CIT: variants seen among roughly 807,000 people sequenced by gnomAD.
The protein encoded by CIT is citron rho-interacting serine/threonine kinase, also known as citron Rho-interacting kinase.
CIT carries 79 observed loss-of-function variants against 272.7 expected under a neutral mutation model. The observed-to-expected ratio is 0.29, with a 90% CI of 0.24 to 0.35. The LOEUF (loss-of-function observed/expected upper bound fraction) is 0.35, where lower values mean the gene tolerates loss of function less well. Ranked by LOEUF, CIT falls within the 10% of genes least tolerant of loss-of-function variation. The probability of loss-of-function intolerance (pLI) is 1.00; values close to 1 mark genes in which losing one functional copy is unlikely to be tolerated. For missense variants in CIT, 1,909 were observed against 2,618.3 expected, an observed-to-expected ratio of 0.73 and a Z score of 5.91; for synonymous variants, 948 against 995.6, an observed-to-expected ratio of 0.95 and a Z score of 0.90.
chr12:119,788,694 C>T (rs1394064224), intron 10 of CIT, among the ~76,000 whole-genome samples: 1 of 152,054 alleles, frequency 6.6e-6, no homozygotes, highest in Admixed American at 6.6e-5. Flanking sequence ...ACTTTTAGGT[C>T]ACTTATCAAT....
Position 119,864,170 on chromosome 12 carries a change from T to C in CIT, c.238+4890A>G, listed in dbSNP as rs540244917. 2.2e-4 allele frequency among the ~76,000 whole-genome samples: 34 copies of C among 152,318 alleles called. 2 individuals carry two copies. The highest frequency in any genetic ancestry group is 2.2e-3 in the Admixed American group (33 of 15,294). The stretch of plus-strand genomic sequence containing the variant: ...AAAGTTATCATTTTCCCATTAGTAC[T>C]AAAGTTGTAAATATATTGAAGATCT... On this transcript the variant is annotated intron_variant, in intron 3 of 47. Transcript: ENST00000392521.
chr12:119,734,459 C>T, intron 25 of CIT, 102 bp from the exon 26 acceptor site: 5 of 1,237,868 alleles, frequency 4.0e-6, no homozygotes, highest in Non-Finnish European at 5.8e-6. Flanking sequence ...TTTCTAACTA[C>T]AGTTTGAAAT....
chr12:119,718,369 C>T lies in CIT; in HGVS notation c.4044G>A (p.Thr1348=), dbSNP rs185748395. 5.6e-6 allele frequency: 9 copies of T among 1,613,760 alleles called. No individual in the cohort carries two copies. Among genetic ancestry groups the T allele is most frequent in the South Asian group, 2.2e-5 (2 of 91,014 alleles). ...RKATDHPHPS[T]PATARQQIAM... Reference sequence around the variant, plus strand: ...CGATCTGCTGCCTCGCGGTGGCTGGCGTGGATGGGTGTGGGTGGTCCGTTG... The same window carrying T: ...CGATCTGCTGCCTCGCGGTGGCTGGTGTGGATGGGTGTGGGTGGTCCGTTG... Residue 1348 remains threonine (T), a synonymous_variant, in exon 32 of 48, where the codon ACG becomes ACA. Transcript: ENST00000392521. This position sits in a 1 kb window ranked among gnomAD's most constrained non-coding sequence, Gnocchi z 4.8.
intron 2 of CIT, among the ~76,000 whole-genome samples, chr12:119,869,893 T>A (rs1364428857): frequency 6.6e-6 from 1 of 152,212 alleles, no homozygotes; most frequent in Non-Finnish European, 1.5e-5. Flanking sequence ...GACGCTGAGC[T>A]GGAGCTGAGT....
chr12:119,692,453 ATAAT>A (rs763840223), intron 46 of CIT, among the ~76,000 whole-genome samples: 1 of 152,242 alleles, frequency 6.6e-6, no homozygotes, highest in Non-Finnish European at 1.5e-5. Flanking sequence ...GTCAACGTCC[ATAAT>A]TGAGAAGCGA....
intron 30 of CIT, chr12:119,719,069 G>A (rs922395050): frequency 3.1e-5 from 17 of 543,418 alleles, no homozygotes; most frequent in Non-Finnish European, 4.6e-5. Flanking sequence ...GGGTGCGGAA[G>A]TTTTCACCAA....
rs1956141187 is a variant in CIT at position 119,694,776 on chromosome 12, C to T, written c.5882+2883G>A. 2.0e-5 allele frequency among the ~76,000 whole-genome samples: 3 copies of T among 152,018 alleles called. No homozygotes were observed. In the South Asian group the frequency reaches 6.2e-4, roughly 32 times the overall value. On this transcript the variant is annotated intron_variant, in intron 46 of 47. Transcript: ENST00000392521. The surrounding 1 kb of genome is among the most constrained non-coding windows in gnomAD (Gnocchi z 4.5). ...GAGCCGAGATCACGCCACTGTGCTCCAGCCTGGGCACAGAGTGAGACCCTA... is the reference window on the plus strand; with the variant it reads ...GAGCCGAGATCACGCCACTGTGCTCTAGCCTGGGCACAGAGTGAGACCCTA...
intron 29 of CIT, 79 bp downstream of exon 29, chr12:119,721,230 G>C: frequency 7.4e-7 from 1 of 1,349,250 alleles, no homozygotes; most frequent in Non-Finnish European, 1.0e-6. Context: ...GCCTCCCGAA[G>C]TGCTGGGATT....
At chr12:119,824,343 A>G (rs950026689) in intron 8 of CIT, among the ~76,000 whole-genome samples, 1 of 152,090 alleles carries the variant, frequency 6.6e-6, no homozygotes, top group Non-Finnish European at 1.5e-5. Flanking sequence ...AATGAAAATA[A>G]TAATACTTAC....
chr12:119,786,796 A>C (rs185346984), intron 10 of CIT, among the ~76,000 whole-genome samples: 1 of 152,258 alleles, frequency 6.6e-6, no homozygotes, highest in East Asian at 1.9e-4. Context: ...CTCACAGCCA[A>C]ATGAGTCAAC....
intron 27 of CIT, 89 bp downstream of exon 27, chr12:119,730,406 A>G (rs1476715043): frequency 2.2e-6 from 3 of 1,393,156 alleles, no homozygotes; most frequent in Non-Finnish European, 2.9e-6. Context: ...TATGTTTGCC[A>G]TGGATTGCAT....
Position 119,713,399 on chromosome 12 carries a change from T to C in CIT, c.4487+69A>G, listed in dbSNP as rs1175749611. The C allele has an allele frequency of 6.3e-7, 1 of 1,595,362 alleles. No individual in the cohort carries two copies. The highest frequency in any genetic ancestry group is 8.6e-7 in the Non-Finnish European group (1 of 1,167,078). ...AGAGTTCCTAGAAAAGACACTTCCC[T>C]AGAAAACATCAGGGACAGAGTGGCT... On this transcript the variant is annotated intron_variant, in intron 34 of 47. Coordinates refer to ENST00000392521, the MANE Select transcript of CIT (RefSeq NM_001206999.2). The surrounding 1 kb of genome is among the most constrained non-coding windows in gnomAD (Gnocchi z 5.2).
chr12:119,718,206 T>TA lies in CIT; in HGVS notation c.4168+38dup. 1 of 1,578,342 alleles carries TA rather than the reference T, an allele frequency of 6.3e-7. No homozygotes were observed. Among genetic ancestry groups the TA allele is most frequent in the Non-Finnish European group, 8.6e-7 (1 of 1,159,426 alleles). On this transcript the variant is annotated intron_variant, in intron 32 of 47. Transcript: ENST00000392521. The surrounding 1 kb of genome is among the most constrained non-coding windows in gnomAD (Gnocchi z 4.8). The stretch of plus-strand genomic sequence containing the variant: ...ATTTTTACCATATGCCCACATGTCT[T>TA]AGTCGACTAAAAGAAATTTCCATAC...
chr12:119,874,922 C>T (rs1950797924), intron 2 of CIT, among the ~76,000 whole-genome samples: 1 of 151,828 alleles, frequency 6.6e-6, no homozygotes, highest in African/African-American at 2.4e-5. Flanking sequence ...AATAAACATC[C>T]CTGCAATGAA....
intron 5 of CIT, among the ~76,000 whole-genome samples, chr12:119,846,393 C>G (rs1205036843): frequency 6.6e-6 from 1 of 152,182 alleles, no homozygotes; most frequent in Admixed American, 6.5e-5. Flanking sequence ...TTGCCTGAGA[C>G]TAGACACCAA....
chr12:119,699,789 TG>T (rs1306807070), intron 44 of CIT: 1 of 456,082 alleles, frequency 2.2e-6, no homozygotes. Context: ...AATAATAAGC[TG>T]TTGTTTGAAG....
Position 119,714,321 on chromosome 12 carries a change from A to G in CIT, c.4182T>C (p.Arg1394=). The change falls in exon 33 of 48, where the codon CGT becomes CGC. Residue 1394 remains arginine, a synonymous_variant. Coordinates refer to ENST00000392521, the MANE Select transcript of CIT (RefSeq NM_001206999.2). ...ESSTPEEFSR[R]LKERMHHNIP... Reference sequence around the variant, plus strand: ...TATTGTGGTGCATGCGTTCCTTAAGACGCCGACTAAATTCTGGAGGAAAAT... The same window carrying G: ...TATTGTGGTGCATGCGTTCCTTAAGGCGCCGACTAAATTCTGGAGGAAAAT... The G allele has an allele frequency of 6.2e-7, 1 of 1,614,038 alleles. No individual in the cohort carries two copies. Among genetic ancestry groups the G allele is most frequent in the Non-Finnish European group, 8.5e-7 (1 of 1,180,000 alleles).
At chr12:119,838,775 A>G (rs1969200428) in intron 5 of CIT, among the ~76,000 whole-genome samples, 1 of 152,168 alleles carries the variant, frequency 6.6e-6, no homozygotes, top group African/African-American at 2.4e-5. Context: ...GAAAATAACC[A>G]GTCCATCAGC....
intron 10 of CIT, among the ~76,000 whole-genome samples, chr12:119,791,319 G>A (rs1162893927): frequency 2.0e-5 from 3 of 152,278 alleles, no homozygotes; most frequent in Middle Eastern, 3.4e-3. Flanking sequence ...TGCATTCAGT[G>A]CTAAGAAGCT....
Sources: allele counts gnomAD v4.1 joint callset (sites outside exome capture counted in the v4.1 genomes callset), GRCh38; gene constraint gnomAD v4.1.1; non-coding constraint Gnocchi (gnomAD v3.1); transcripts MANE v1.5; gene names NCBI Gene and HGNC (gene_info 2026-07-23, HGNC 2026-07-21).